Variants in HERC3 observed in about 807,000 individuals in gnomAD.
HERC3 encodes the protein HECT and RLD domain containing E3 ubiquitin protein ligase 3.
HERC3 carries 58 observed loss-of-function variants against 129.9 expected under a neutral mutation model. That is an observed-to-expected ratio of 0.45 (90% CI 0.36 to 0.56). HERC3 has a LOEUF of 0.56. HERC3 is among the 20% of genes least tolerant of loss of function. The pLI is 0.00. For synonymous variants in HERC3, 430 were observed against 451.0 expected, an observed-to-expected ratio of 0.95 and a Z score of 0.59; for missense variants, 835 against 1,244.2, an observed-to-expected ratio of 0.67 and a Z score of 4.95.
intron 21 of HERC3, among the ~76,000 whole-genome samples, chr4:88,682,323 TA>T (rs553199506): frequency 6.6e-5 from 10 of 152,268 alleles, no homozygotes; most frequent in Admixed American, 2.0e-4. Flanking sequence ...ATTTTCATTT[TA>T]TTTTTTTTAA....
chr4:88,671,755 C>G (rs748313281), intron 16 of HERC3, among the ~76,000 whole-genome samples: 2 of 152,046 alleles, frequency 1.3e-5, no homozygotes, highest in African/African-American at 2.4e-5. Context: ...AACTCATGAG[C>G]TCAAGTGATT....
chr4:88,528,247 T>G, the HERC3 span: 1 of 155,850 alleles, frequency 6.4e-6, no homozygotes, highest in Admixed American at 6.5e-5. Flanking sequence ...AAGTTCTAAA[T>G]GGTCACCTGC....
chr4:88,530,735 T>A, the HERC3 span, among the ~76,000 whole-genome samples: 1 of 152,222 alleles, frequency 6.6e-6, no homozygotes, highest in Non-Finnish European at 1.5e-5. Context: ...ATATACATTT[T>A]AAATGGCTTC....
At chr4:88,556,478 A>G in the HERC3 span, among the ~76,000 whole-genome samples, 1 of 152,232 alleles carries the variant, frequency 6.6e-6, no homozygotes, top group Non-Finnish European at 1.5e-5. Flanking sequence ...GTTACATTCT[A>G]TCAACATTTA....
the HERC3 span, among the ~76,000 whole-genome samples, chr4:88,552,908 A>G: frequency 6.6e-6 from 1 of 152,088 alleles, no homozygotes; most frequent in South Asian, 2.1e-4. Flanking sequence ...CTACCCTCCA[A>G]CCACATTTAT....
chr4:88,656,179 A>G, intron 9 of HERC3, 144 bp downstream of exon 9: 2 of 732,210 alleles, frequency 2.7e-6, no homozygotes, highest in Non-Finnish European at 4.4e-6. Context: ...TAATTTCTGT[A>G]CTTACTATGC....
At chr4:88,670,343 A>T in intron 16 of HERC3, 91 bp downstream of exon 16, 1 of 823,822 alleles carries the variant, frequency 1.2e-6, no homozygotes. Context: ...CTTTGATGTC[A>T]GTGTGTCACC....
At chr4:88,673,380 G>T (rs778954162) in intron 16 of HERC3, among the ~76,000 whole-genome samples, 1 of 151,874 alleles carries the variant, frequency 6.6e-6, no homozygotes, top group Non-Finnish European at 1.5e-5. Flanking sequence ...TGTTGACTTC[G>T]TATTTAAAAA....
At chr4:88,596,202 G>A (rs774121604) in intron 2 of HERC3, among the ~76,000 whole-genome samples, 13 of 152,184 alleles carry the variant, frequency 8.5e-5, no homozygotes, top group Non-Finnish European at 7.3e-5. Flanking sequence ...GGCCTTAGCT[G>A]CCATTAAAAT....
chr4:88,556,675 C>A, the HERC3 span, among the ~76,000 whole-genome samples: 1 of 152,088 alleles, frequency 6.6e-6, no homozygotes. Context: ...TGCAATCTGT[C>A]TTCTACTCTA....
chr4:88,564,858 A>G, the HERC3 span, among the ~76,000 whole-genome samples: 4 of 151,866 alleles, frequency 2.6e-5, no homozygotes, highest in African/African-American at 9.7e-5. Context: ...GTAGGTGGTT[A>G]TTGCTATAAA....
chr4:88,595,795 A>G (rs1280641539), intron 2 of HERC3, among the ~76,000 whole-genome samples, 181 bp downstream of exon 2: 2 of 151,384 alleles, frequency 1.3e-5, no homozygotes, highest in Non-Finnish European at 1.5e-5. Context: ...GGTGAGCCCA[A>G]GAAGTAGGAG....
chr4:88,632,524 A>G (rs1726889604), intron 3 of HERC3, among the ~76,000 whole-genome samples: 1 of 152,270 alleles, frequency 6.6e-6, no homozygotes, highest in African/African-American at 2.4e-5. Flanking sequence ...ATATTTCAAC[A>G]AGCTGGCCCA....
intron 3 of HERC3, among the ~76,000 whole-genome samples, chr4:88,628,674 T>A (rs993849449): frequency 6.6e-6 from 1 of 152,202 alleles, no homozygotes; most frequent in Non-Finnish European, 1.5e-5. Flanking sequence ...GGATTAACTA[T>A]CTTTAGCAAG....
At chr4:88,594,512 T>G (rs1722123604) in intron 1 of HERC3, among the ~76,000 whole-genome samples, 2 of 152,130 alleles carry the variant, frequency 1.3e-5, no homozygotes, top group Non-Finnish European at 2.9e-5. Flanking sequence ...CAAGCGAATC[T>G]GCCACCTTAC....
intron 23 of HERC3, among the ~76,000 whole-genome samples, chr4:88,694,199 A>G (rs569755843): frequency 1.4e-3 from 210 of 152,348 alleles, no homozygotes; most frequent in Non-Finnish European, 2.7e-3. Context: ...CTAGTGCTGC[A>G]GGTTCAGGAA....
At chr4:88,602,823 C>T (rs934635242) in intron 2 of HERC3, among the ~76,000 whole-genome samples, 5 of 152,034 alleles carry the variant, frequency 3.3e-5, no homozygotes, top group African/African-American at 1.2e-4. Flanking sequence ...AAACCCAAGG[C>T]GATGCTGATT....
chr4:88,658,599 C>A, intron 10 of HERC3, 108 bp downstream of exon 10: 1 of 550,856 alleles, frequency 1.8e-6, no homozygotes, highest in Non-Finnish European at 3.2e-6. Context: ...TTTGTTTCTA[C>A]CAATCCTATG....
chr4:88,689,819 C>G, intron 23 of HERC3: 1 of 171,878 alleles, frequency 5.8e-6, no homozygotes, highest in Non-Finnish European at 1.2e-5. Flanking sequence ...CTGAGCTGAT[C>G]TGCCCGCCTC....
Sources: gnomAD v4.1 joint callset for allele counts (sites outside exome capture counted in the v4.1 genomes callset) on GRCh38, gnomAD v4.1.1 for gene constraint, MANE v1.5 for transcripts, NCBI Gene and HGNC (gene_info 2026-07-23, HGNC 2026-07-21) for gene names.